DRC9: variants seen among roughly 807,000 people sequenced by gnomAD.
DRC9 encodes dynein regulatory complex protein 9.
the DRC9 span, among the ~76,000 whole-genome samples, chr3:197,911,865 C>A: frequency 6.6e-6 from 1 of 151,956 alleles, no homozygotes; most frequent in African/African-American, 2.4e-5. Flanking sequence ...GTCTCGAACT[C>A]CTGACCTCAG....
the DRC9 span, among the ~76,000 whole-genome samples, chr3:197,942,190 C>T: frequency 7.2e-5 from 11 of 151,984 alleles, no homozygotes; most frequent in African/African-American, 2.4e-4. Flanking sequence ...ATATCCCAAA[C>T]GTCTCCTGAC....
chr3:197,895,634 C>T, the DRC9 span, among the ~76,000 whole-genome samples: 6 of 152,026 alleles, frequency 3.9e-5, no homozygotes, highest in Non-Finnish European at 7.4e-5. Flanking sequence ...ATATAAAAAT[C>T]TTAATTTAAA....
At chr3:197,937,222 G>T in the DRC9 span, among the ~76,000 whole-genome samples, 2 of 152,138 alleles carry the variant, frequency 1.3e-5, no homozygotes, top group African/African-American at 2.4e-5. Context: ...CTCTTAACAG[G>T]CTTATTTGTC....
At chr3:197,943,867 A>C in the DRC9 span, 1 of 1,614,064 alleles carries the variant, frequency 6.2e-7, no homozygotes, top group African/African-American at 1.3e-5. Flanking sequence ...AGAACTGCCG[A>C]GATCCTCAGC....
chr3:197,952,018 A>ACTTGTAAG, the DRC9 span, among the ~76,000 whole-genome samples: 1 of 152,114 alleles, frequency 6.6e-6, no homozygotes, highest in African/African-American at 2.4e-5. Flanking sequence ...TACCTTTTGC[A>ACTTGTAAG]CTTGTAAGCA....
chr3:197,915,187 G>A, the DRC9 span, among the ~76,000 whole-genome samples: 327 of 81,030 alleles, frequency 4.0e-3, no homozygotes, highest in South Asian at 6.2e-3. Context: ...AAAAAGAAAA[G>A]AAAAAGAAAA....
At chr3:197,892,864 G>C in the DRC9 span, 1 of 1,414,130 alleles carries the variant, frequency 7.1e-7, no homozygotes. Flanking sequence ...ACATTCCATA[G>C]TGAGAGAAGG....
chr3:197,893,096 G>A, the DRC9 span, among the ~76,000 whole-genome samples: 2 of 152,228 alleles, frequency 1.3e-5, no homozygotes, highest in East Asian at 1.9e-4. Context: ...GGTGGCTCAC[G>A]CCTGTAATCC....
the DRC9 span, chr3:197,954,448 C>T: frequency 2.3e-6 from 1 of 428,048 alleles, no homozygotes; most frequent in Admixed American, 3.6e-5. Flanking sequence ...ATCCTTCCAC[C>T]TCAGCCCCCC....
At chr3:197,898,156 G>A in the DRC9 span, among the ~76,000 whole-genome samples, 2 of 152,040 alleles carry the variant, frequency 1.3e-5, no homozygotes, top group Non-Finnish European at 2.9e-5. Flanking sequence ...TGACGGGGCT[G>A]TTGTGAGGAA....
the DRC9 span, among the ~76,000 whole-genome samples, chr3:197,928,512 G>A: frequency 2.6e-5 from 4 of 151,878 alleles, no homozygotes; most frequent in African/African-American, 4.8e-5. Flanking sequence ...ACCATGCCTC[G>A]CTAATTTTTG....
the DRC9 span, among the ~76,000 whole-genome samples, chr3:197,921,646 A>G: frequency 6.6e-6 from 1 of 151,706 alleles, no homozygotes; most frequent in African/African-American, 2.4e-5. Context: ...GTTTTCAGTA[A>G]CTCTGGGGAT....
At chr3:197,917,682 C>T in the DRC9 span, among the ~76,000 whole-genome samples, 5 of 151,452 alleles carry the variant, frequency 3.3e-5, no homozygotes, top group South Asian at 4.2e-4. Flanking sequence ...GTTTTTCTTC[C>T]ATTCTTTCTA....
chr3:197,901,198 G>A, the DRC9 span, among the ~76,000 whole-genome samples: 4 of 152,110 alleles, frequency 2.6e-5, no homozygotes, highest in Admixed American at 1.3e-4. This position sits in a 1 kb window ranked among gnomAD's most constrained non-coding sequence, Gnocchi z 4.4. Flanking sequence ...GAGTGCAGTG[G>A]CACGATCTTG....
the DRC9 span, among the ~76,000 whole-genome samples, chr3:197,931,046 A>G: frequency 6.6e-6 from 1 of 152,054 alleles, no homozygotes; most frequent in African/African-American, 2.4e-5. Flanking sequence ...AAAAGAAAAA[A>G]AAAAGAAAAG....
At chr3:197,889,455 C>T in the DRC9 span, 1 of 1,116,360 alleles carries the variant, frequency 9.0e-7, no homozygotes, top group Middle Eastern at 2.0e-4. Flanking sequence ...TCAGGCTTCC[C>T]TGGGAAAGTC....
At chr3:197,959,459 T>G in the DRC9 span, 1 of 152,182 alleles carries the variant, frequency 6.6e-6, no homozygotes, top group Non-Finnish European at 1.5e-5. Context: ...TAGCTGAATC[T>G]CCACCCATAG....
the DRC9 span, among the ~76,000 whole-genome samples, chr3:197,895,974 CAAAAAAA>C: frequency 1.7e-5 from 1 of 58,988 alleles, no homozygotes; most frequent in Non-Finnish European, 3.3e-5. Context: ...GACCCTGTCT[CAAAAAAA>C]AAAAAAAAAA....
the DRC9 span, chr3:197,913,355 TGCGTGC>T: frequency 4.9e-6 from 1 of 206,156 alleles, no homozygotes; most frequent in Non-Finnish European, 8.4e-6. Context: ...CGTGTGTGCG[TGCGTGC>T]GTGTGTGCCA....
Sources: allele counts gnomAD v4.1 joint callset (sites outside exome capture counted in the v4.1 genomes callset), GRCh38; gene constraint gnomAD v4.1.1; non-coding constraint Gnocchi (gnomAD v3.1); transcripts MANE v1.5; gene names NCBI Gene and HGNC (gene_info 2026-07-23, HGNC 2026-07-21).